The following FAM219A variants were observed in gnomAD, a reference collection of about 807,000 sequenced individuals.
The protein encoded by FAM219A is family with sequence similarity 219 member A, also known as protein FAM219A.
In FAM219A, 7 loss-of-function variants were observed where a neutral mutation model predicts 23.4. That is an observed-to-expected ratio of 0.30 (90% confidence interval 0.17 to 0.56). The LOEUF (loss-of-function observed/expected upper bound fraction) is 0.56. Among genes scored for constraint, FAM219A ranks in the 20% least tolerant of loss-of-function variants. The probability of loss-of-function intolerance (pLI) is 0.92; values close to 1 mark genes in which losing one functional copy is unlikely to be tolerated. For missense variants in FAM219A, 166 were observed against 246.9 expected (o/e 0.67, Z 2.20); for synonymous variants, 93 against 99.0 (o/e 0.94, Z 0.36).
intron 1 of FAM219A, among the ~76,000 whole-genome samples, chr9:34,449,659 A>G (rs1377694272): frequency 6.6e-6 from 1 of 152,268 alleles, no homozygotes; most frequent in Non-Finnish European, 1.5e-5. Context: ...TTTCTAAGCT[A>G]AAGTTTTCCA....
At chr9:34,402,952 C>A (rs1023252701) in intron 2 of FAM219A, 145 bp from the exon 3 acceptor site, 13 of 672,596 alleles carry the variant, frequency 1.9e-5, no homozygotes, top group Middle Eastern at 8.2e-4. Flanking sequence ...CAGGCCCCTG[C>A]TGCTTGGTGG....
chr9:34,418,436 G>A (rs1204275399), intron 1 of FAM219A, among the ~76,000 whole-genome samples: 5 of 152,202 alleles, frequency 3.3e-5, no homozygotes, highest in Non-Finnish European at 7.3e-5. Context: ...CTGTAGCTAT[G>A]GCTTGGGGGA....
chr9:34,423,454 G>A (rs566363127), intron 1 of FAM219A, among the ~76,000 whole-genome samples: 3 of 152,318 alleles, frequency 2.0e-5, no homozygotes, highest in African/African-American at 7.2e-5. Context: ...CTATAGAGCA[G>A]GCAAAAAGAA....
At chr9:34,453,345 T>A (rs1279705240) in intron 1 of FAM219A, among the ~76,000 whole-genome samples, 39 of 152,142 alleles carry the variant, frequency 2.6e-4, no homozygotes, top group Non-Finnish European at 4.4e-5. Context: ...TCCCCATCCA[T>A]CCCTGAGTGT....
rs1456398232 is a variant in FAM219A, at chr9:34,405,847, C to T, written c.160+18G>A. ...TTGCCTACTCCCCACATCTCCCTCA[C>T]CCCCCAGACACACTCACCCAGCTTC... On this transcript the variant is annotated intron_variant, in intron 2 of 5. Transcript: ENST00000651358. 11 of 1,611,252 alleles carry T rather than the reference C, an allele frequency of 6.8e-6. No individual in the cohort carries two copies. Among genetic ancestry groups the T allele is most frequent in the African/African-American group, 1.3e-5 (1 of 74,948 alleles).
chr9:34,416,209 A>T lies in FAM219A; in HGVS notation c.61-10245T>A, dbSNP rs867413494. 8.5e-3 allele frequency among the ~76,000 whole-genome samples: 1,070 copies of T among 125,300 alleles called. 18 individuals carry two copies. Among genetic ancestry groups the T allele is most frequent in the Non-Finnish European group, 0.013 (783 of 58,890 alleles). 82.2% of individuals were successfully genotyped at this position (125,300 alleles called of 152,430 possible). On this transcript the variant is annotated intron_variant, in intron 1 of 5. Transcript: ENST00000651358. Reference sequence around the variant, plus strand: ...AAAGAAAGAAAGAAAGAAAGAAAGAAAGAAAGAAAGAAAGAAAGAAAGAAA... The same window carrying T: ...AAAGAAAGAAAGAAAGAAAGAAAGATAGAAAGAAAGAAAGAAAGAAAGAAA...
intron 1 of FAM219A, among the ~76,000 whole-genome samples, chr9:34,422,893 C>T (rs989568874): frequency 1.8e-4 from 27 of 152,168 alleles, no homozygotes; most frequent in African/African-American, 6.0e-4. Context: ...GGGCTGGGCG[C>T]GGTGGCTCAC....
intron 1 of FAM219A, among the ~76,000 whole-genome samples, chr9:34,421,981 G>A (rs928556887): frequency 2.6e-5 from 4 of 151,990 alleles, no homozygotes; most frequent in South Asian, 2.1e-4. Flanking sequence ...GCCTCTCTAC[G>A]CCCACACCAT....
chr9:34,402,193 T>C (rs1821468010), intron 4 of FAM219A, 194 bp downstream of exon 4: 1 of 1,518,246 alleles, frequency 6.6e-7, no homozygotes, highest in Non-Finnish European at 8.8e-7. Context: ...CCCCCTTTCC[T>C]CTCTCTGCCA....
At chr9:34,427,314 G>T (rs764124837) in intron 1 of FAM219A, among the ~76,000 whole-genome samples, 1 of 151,916 alleles carries the variant, frequency 6.6e-6, no homozygotes, top group Non-Finnish European at 1.5e-5. Flanking sequence ...TGGGACTACA[G>T]GTGCACGCCA....
intron 1 of FAM219A, among the ~76,000 whole-genome samples, chr9:34,433,665 T>C (rs1000580433): frequency 3.9e-5 from 6 of 152,206 alleles, no homozygotes. Flanking sequence ...CCAACTGCCA[T>C]CTTTCTAAAT....
chr9:34,433,246 G>A lies in FAM219A; in HGVS notation c.60+24958C>T, dbSNP rs543378523. Among the ~76,000 whole-genome samples, 38 of 152,250 alleles carry A rather than the reference G, an allele frequency of 2.5e-4. No homozygotes were observed. The South Asian group carries it at 7.3e-3, about 29-fold the overall frequency. ...AAATGTTTCCAGCTTTGGCCATTGA[G>A]AACACTTTCAGGTTGGCTCCTGTTT... On this transcript the variant is annotated intron_variant, in intron 1 of 5. Transcript: ENST00000651358.
At chr9:34,406,069 A>C in intron 1 of FAM219A, 105 bp from the exon 2 acceptor site, 1 of 1,181,508 alleles carries the variant, frequency 8.5e-7, no homozygotes, top group Non-Finnish European at 1.2e-6. Flanking sequence ...GGCTTCTGTG[A>C]GCATTCACCC....
chr9:34,421,001 T>TGAGAGAGAGA (rs1330963914), intron 1 of FAM219A, among the ~76,000 whole-genome samples: 55 of 60,774 alleles, frequency 9.0e-4, no homozygotes, highest in African/African-American at 3.3e-3. Flanking sequence ...TATGTGTGTG[T>TGAGAGAGAGA]GTGTGTGTGA....
intron 1 of FAM219A, among the ~76,000 whole-genome samples, chr9:34,438,110 C>A (rs1200517935): frequency 6.6e-6 from 1 of 152,242 alleles, no homozygotes; most frequent in African/African-American, 2.4e-5. Context: ...ACAGCAGTGC[C>A]AGCCCACGGG....
intron 1 of FAM219A, among the ~76,000 whole-genome samples, chr9:34,447,485 G>A (rs1823414579): frequency 6.6e-6 from 1 of 152,184 alleles, no homozygotes; most frequent in Non-Finnish European, 1.5e-5. Context: ...GGATGACTGC[G>A]AATTTGGAAG....
Position 34,401,133 on chromosome 9 carries a change from A to C in FAM219A, c.400-11T>G. On this transcript the variant is annotated splice_polypyrimidine_tract_variant and intron_variant, in intron 5 of 5. Transcript: ENST00000651358. ...ATCTTGGTTGATCTGCTGTAGGCAA[A>C]GGGGAGGGAGGTCAGGCCCGAGCGG... 6 of 1,612,308 alleles carry C rather than the reference A, an allele frequency of 3.7e-6. No homozygotes were observed. Among genetic ancestry groups the C allele is most frequent in the Non-Finnish European group, 5.1e-6 (6 of 1,179,220 alleles).
At chr9:34,446,803 A>G (rs1181797370) in intron 1 of FAM219A, among the ~76,000 whole-genome samples, 1 of 152,176 alleles carries the variant, frequency 6.6e-6, no homozygotes, top group African/African-American at 2.4e-5. Flanking sequence ...GACTCCTTTC[A>G]TTATTCTAGT....
chr9:34,437,144 A>G (rs1376300763), intron 1 of FAM219A, among the ~76,000 whole-genome samples: 2 of 152,164 alleles, frequency 1.3e-5, no homozygotes, highest in Non-Finnish European at 2.9e-5. Context: ...CCGGGGCTCT[A>G]TCTTTCATGA....
Sources: allele counts gnomAD v4.1 joint callset (sites outside exome capture counted in the v4.1 genomes callset), GRCh38; gene constraint gnomAD v4.1.1; transcripts MANE v1.5; gene names NCBI Gene and HGNC (gene_info 2026-07-23, HGNC 2026-07-21).